The following NEGR1 variants were observed in gnomAD, a reference collection of about 807,000 sequenced individuals.
The protein encoded by NEGR1 is IgLON family member 4.
NEGR1 carries 10 observed loss-of-function variants against 40.9 expected under a neutral mutation model. That is an observed-to-expected ratio of 0.24 (90% CI 0.15 to 0.42). The LOEUF is 0.42. NEGR1 is among the 10% of genes least tolerant of loss of function. The pLI is 1.00. For synonymous variants in NEGR1, 185 were observed against 166.8 expected, an observed-to-expected ratio of 1.11 and a Z score of -0.84; for missense variants, 352 against 438.9, an observed-to-expected ratio of 0.80 and a Z score of 1.77.
At chr1:71,795,090 G>C (rs950825310) in intron 2 of NEGR1, among the ~76,000 whole-genome samples, 2 of 152,010 alleles carry the variant, frequency 1.3e-5, no homozygotes, top group African/African-American at 4.8e-5. Context: ...GTAATACCAA[G>C]TTGATGAGAA....
At chr1:72,254,966 A>C (rs2100536073) in intron 1 of NEGR1, among the ~76,000 whole-genome samples, 2 of 152,270 alleles carry the variant, frequency 1.3e-5, no homozygotes, top group African/African-American at 4.8e-5. Flanking sequence ...AAAAATTTAT[A>C]TATGTCTATC....
intron 2 of NEGR1, among the ~76,000 whole-genome samples, chr1:71,783,254 T>A (rs1656781573): frequency 1.3e-5 from 2 of 152,152 alleles, no homozygotes; most frequent in African/African-American, 4.8e-5. Context: ...CATCCTTCCT[T>A]TCACTGGGCT....
At chr1:72,199,182 G>A (rs1320161062) in intron 1 of NEGR1, among the ~76,000 whole-genome samples, 1 of 149,654 alleles carries the variant, frequency 6.7e-6, no homozygotes, top group Non-Finnish European at 1.5e-5. Flanking sequence ...GAGAGAGAGA[G>A]AGACTACATA....
chr1:71,972,113 C>T (rs940564304), intron 1 of NEGR1, among the ~76,000 whole-genome samples: 2 of 152,110 alleles, frequency 1.3e-5, no homozygotes, highest in Non-Finnish European at 2.9e-5. Flanking sequence ...TAATTGTATG[C>T]TAGTCATAAA....
intron 3 of NEGR1, among the ~76,000 whole-genome samples, chr1:71,764,369 TA>T (rs1656048668): frequency 6.6e-6 from 1 of 152,256 alleles, no homozygotes; most frequent in African/African-American, 2.4e-5. Context: ...AATACATTCT[TA>T]AATAAATGTG....
At chr1:71,560,688 A>T (rs1409257919) in intron 6 of NEGR1, among the ~76,000 whole-genome samples, 3 of 151,094 alleles carry the variant, frequency 2.0e-5, no homozygotes, top group Non-Finnish European at 4.4e-5. Flanking sequence ...CATAAAAGTG[A>T]TCATTTTGCA....
chr1:72,204,531 A>T (rs186130354), intron 1 of NEGR1, among the ~76,000 whole-genome samples: 1 of 152,162 alleles, frequency 6.6e-6, no homozygotes. Flanking sequence ...CTGAGCTTTG[A>T]GGGAGAAATA....
intron 1 of NEGR1, among the ~76,000 whole-genome samples, chr1:71,961,280 G>A (rs766418645): frequency 1.2e-4 from 19 of 152,104 alleles, no homozygotes; most frequent in Non-Finnish European, 2.2e-4. Flanking sequence ...CTTGAGGTAC[G>A]ATGCTGGAAT....
Position 71,915,052 on chromosome 1 carries a change from C to T in NEGR1, c.409+20027G>A, listed in dbSNP as rs542901887. 1.8e-4 allele frequency among the ~76,000 whole-genome samples: 28 copies of T among 152,070 alleles called. No individual in the cohort carries two copies. The South Asian group carries it at 5.4e-3, about 29-fold the overall frequency. On this transcript the variant is annotated intron_variant, in intron 2 of 6. Transcript: ENST00000357731. ...AACCAAAAGTTTTTTCCAATTTGGG[C>T]TGCAATTAGTCTCTCATTACGACTG...
At chr1:72,125,510 T>A (rs970548566) in intron 1 of NEGR1, among the ~76,000 whole-genome samples, 3 of 152,074 alleles carry the variant, frequency 2.0e-5, no homozygotes, top group Admixed American at 2.0e-4. Flanking sequence ...ATAGGCTTAT[T>A]ATTTGTAAGT....
intron 2 of NEGR1, among the ~76,000 whole-genome samples, chr1:71,922,105 TCAATAG>T (rs1380151857): frequency 6.6e-6 from 1 of 152,244 alleles, no homozygotes; most frequent in East Asian, 1.9e-4. Context: ...TCAGGACTGT[TCAATAG>T]CAGCTAGGCC....
At chr1:71,646,219 A>AAC (rs1466668494) in intron 4 of NEGR1, among the ~76,000 whole-genome samples, 1 of 151,186 alleles carries the variant, frequency 6.6e-6, no homozygotes, top group African/African-American at 2.4e-5. Flanking sequence ...CATATACATA[A>AAC]ACACATATAT....
At chr1:71,525,852 CAATCATTTGATTT>C (rs1378945380) in intron 6 of NEGR1, among the ~76,000 whole-genome samples, 3 of 151,574 alleles carry the variant, frequency 2.0e-5, no homozygotes, top group Admixed American at 2.0e-4. Flanking sequence ...TGCTATATAA[CAATCATTTGATTT>C]AACATATTAA....
intron 1 of NEGR1, among the ~76,000 whole-genome samples, chr1:72,068,958 T>C (rs1647351511): frequency 6.6e-6 from 1 of 152,138 alleles, no homozygotes; most frequent in Admixed American, 6.6e-5. Context: ...AGTAAAATGT[T>C]GGTCAATTAA....
At chr1:72,015,322 G>A (rs12407394) in intron 1 of NEGR1, among the ~76,000 whole-genome samples, 14,477 of 151,702 alleles carry the variant, frequency 0.095, 777 homozygotes, top group Middle Eastern at 0.18. Context: ...TATTAGCGTG[G>A]CACTTCTTCT....
chr1:72,053,082 T>C (rs546508425), intron 1 of NEGR1, among the ~76,000 whole-genome samples: 1 of 151,514 alleles, frequency 6.6e-6, no homozygotes, highest in Non-Finnish European at 1.5e-5. Flanking sequence ...ATCATATTAT[T>C]CAGGACAGGA....
chr1:72,201,688 G>A (rs1259123725), intron 1 of NEGR1, among the ~76,000 whole-genome samples: 2 of 151,920 alleles, frequency 1.3e-5, no homozygotes, highest in East Asian at 3.9e-4. Flanking sequence ...GGGTGGAAGT[G>A]TCTTAGAATC....
chr1:72,256,883 G>T (rs533999303), intron 1 of NEGR1, among the ~76,000 whole-genome samples: 14 of 152,250 alleles, frequency 9.2e-5, no homozygotes, highest in African/African-American at 3.4e-4. Context: ...AAGATCTGTG[G>T]TTTAACTTGG....
chr1:71,786,496 C>T lies in NEGR1; in HGVS notation c.410-10199G>A, dbSNP rs117270445. ...ACACTGTGGCTTTCTGCCTTCCTTA[C>T]GGGAAACATGTCTAAAAAAGGTTAC... On this transcript the variant is annotated intron_variant, in intron 2 of 6. Coordinates refer to ENST00000357731, the MANE Select transcript of NEGR1 (RefSeq NM_173808.3). 5.9e-5 allele frequency among the ~76,000 whole-genome samples: 9 copies of T among 152,166 alleles called. 1 individual carries two copies. In the South Asian group the frequency reaches 1.0e-3, roughly 18 times the overall value.
Sources: allele counts gnomAD v4.1 joint callset (sites outside exome capture counted in the v4.1 genomes callset), GRCh38; gene constraint gnomAD v4.1.1; transcripts MANE v1.5; gene names NCBI Gene and HGNC (gene_info 2026-07-23, HGNC 2026-07-21).